The following SEMA3A variants were observed in gnomAD, a reference collection of about 807,000 sequenced individuals.
SEMA3A encodes the protein semaphorin-3A.
Under a neutral mutation model 97.9 loss-of-function variants are expected in SEMA3A, and 29 were observed. The observed-to-expected ratio is 0.30, with a 90% CI of 0.22 to 0.40. The LOEUF (loss-of-function observed/expected upper bound fraction) is 0.40, where lower values mean the gene tolerates loss of function less well. Ranked by LOEUF, SEMA3A falls within the 10% of genes least tolerant of loss-of-function variation. The probability of loss-of-function intolerance (pLI) is 1.00; values close to 1 mark genes in which losing one functional copy is unlikely to be tolerated. For synonymous variants in SEMA3A, 321 were observed against 323.7 expected (o/e 0.99, Z 0.09); for missense variants, 763 against 951.3 (o/e 0.80, Z 2.60).
chr7:84,469,354 T>TAA (rs1370382948), intron 1 of SEMA3A, among the ~76,000 whole-genome samples: 1 of 152,168 alleles, frequency 6.6e-6, no homozygotes, highest in African/African-American at 2.4e-5. Flanking sequence ...CCATAAGTTT[T>TAA]ACTGGTTTAA....
chr7:84,125,824 T>C (rs1446125669), intron 3 of SEMA3A, among the ~76,000 whole-genome samples: 1 of 152,218 alleles, frequency 6.6e-6, no homozygotes, highest in Non-Finnish European at 1.5e-5. Context: ...TCTCAGCCAT[T>C]GAATGAGTTG....
At chr7:84,242,021 G>T (rs1799375696) in intron 3 of SEMA3A, among the ~76,000 whole-genome samples, 1 of 152,116 alleles carries the variant, frequency 6.6e-6, no homozygotes, top group Non-Finnish European at 1.5e-5. Context: ...TGCTGTTTTG[G>T]TCACTGTGGC....
chr7:84,062,677 C>G (rs988561290), intron 4 of SEMA3A, among the ~76,000 whole-genome samples: 5 of 152,150 alleles, frequency 3.3e-5, no homozygotes, highest in Non-Finnish European at 5.9e-5. Context: ...CTGGAAAATC[C>G]GGTCACTCCC....
At position 83,989,563 on chromosome 7, in the gene SEMA3A, C is replaced by A. The variant is rs547518549; in HGVS notation, c.1453-4086G>T. 3.9e-3 allele frequency among the ~76,000 whole-genome samples: 526 copies of A among 135,990 alleles called. 1 individual carries two copies. The highest frequency in any genetic ancestry group is 0.018 in the Middle Eastern group (5 of 278). The allele number at this position is 135,990 out of a possible 152,430, so 89.2% of individuals were successfully genotyped here. A position where few individuals can be genotyped will look rare whatever the true frequency, so the allele number is the denominator to read the frequency against. On this transcript the variant is annotated intron_variant, in intron 12 of 16. Transcript: ENST00000265362. ...ATTCCCACCTATGAGTGAGAATATG[C>A]GGTGTTTGGTTTTTTGTTCTTGCGA...
intron 1 of SEMA3A, among the ~76,000 whole-genome samples, chr7:84,469,696 T>C (rs1422621223): frequency 6.6e-6 from 1 of 152,114 alleles, no homozygotes; most frequent in African/African-American, 2.4e-5. Flanking sequence ...ATCATTCTTC[T>C]AATGAATATT....
chr7:84,476,411 G>A (rs528993314), intron 1 of SEMA3A, among the ~76,000 whole-genome samples: 36 of 151,236 alleles, frequency 2.4e-4, no homozygotes, highest in Non-Finnish European at 4.7e-4. Flanking sequence ...CTTAGTTGTC[G>A]TCTAAATGTA....
At chr7:84,024,943 C>T (rs1397202398) in intron 6 of SEMA3A, among the ~76,000 whole-genome samples, 3 of 151,792 alleles carry the variant, frequency 2.0e-5, no homozygotes, top group South Asian at 2.1e-4. Flanking sequence ...AAAAAGTAGC[C>T]GGGCATGGTG....
chr7:84,415,632 G>T (rs1804412962), intron 1 of SEMA3A, among the ~76,000 whole-genome samples: 1 of 151,958 alleles, frequency 6.6e-6, no homozygotes, highest in South Asian at 2.1e-4. Flanking sequence ...GTGTTAATTT[G>T]CTAATCTTCC....
At chr7:84,126,990 A>G (rs145764674) in intron 3 of SEMA3A, among the ~76,000 whole-genome samples, 5 of 152,232 alleles carry the variant, frequency 3.3e-5, no homozygotes, top group African/African-American at 1.2e-4. Flanking sequence ...ATTTAGGGAT[A>G]GTATAAAATT....
At chr7:84,337,871 T>C (rs1802075540) in intron 2 of SEMA3A, among the ~76,000 whole-genome samples, 1 of 152,052 alleles carries the variant, frequency 6.6e-6, no homozygotes. Context: ...TTGCAAGAAA[T>C]GTTTCTCAAC....
At chr7:84,243,858 C>A (rs924218787) in intron 3 of SEMA3A, among the ~76,000 whole-genome samples, 1 of 151,962 alleles carries the variant, frequency 6.6e-6, no homozygotes, top group East Asian at 1.9e-4. Context: ...CTTTATTTAC[C>A]CAGTAGCCAT....
intron 1 of SEMA3A, among the ~76,000 whole-genome samples, chr7:84,444,097 G>A (rs1442437544): frequency 6.6e-6 from 1 of 151,910 alleles, no homozygotes; most frequent in Non-Finnish European, 1.5e-5. Flanking sequence ...TGTTGGCCAG[G>A]CTGGTCTCAA....
chr7:84,094,330 CT>C (rs5885398), intron 4 of SEMA3A, among the ~76,000 whole-genome samples: 62,257 of 147,562 alleles, frequency 0.42, 14,530 homozygotes, highest in Admixed American at 0.52. Flanking sequence ...AAGTTTTTGC[CT>C]TTTTTTTTTT....
At chr7:84,207,748 T>A (rs1286931780) in intron 3 of SEMA3A, among the ~76,000 whole-genome samples, 1 of 152,312 alleles carries the variant, frequency 6.6e-6, no homozygotes, top group African/African-American at 2.4e-5. Flanking sequence ...GACATAGGTG[T>A]AGGAAAAATG....
At chr7:84,315,903 T>C (rs1030680132) in intron 2 of SEMA3A, among the ~76,000 whole-genome samples, 1 of 151,876 alleles carries the variant, frequency 6.6e-6, no homozygotes, top group Non-Finnish European at 1.5e-5. Context: ...TTTCACATTT[T>C]ATGATTTTAT....
intron 3 of SEMA3A, among the ~76,000 whole-genome samples, chr7:84,215,918 C>T (rs1798742463): frequency 6.6e-6 from 1 of 151,474 alleles, no homozygotes; most frequent in Non-Finnish European, 1.5e-5. Context: ...TATATGTGTA[C>T]ATATAGATAC....
chr7:84,168,101 A>G (rs1376376143), intron 1 of SEMA3A, among the ~76,000 whole-genome samples: 1 of 152,114 alleles, frequency 6.6e-6, no homozygotes, highest in African/African-American at 2.4e-5. Context: ...TTTTAAGGTC[A>G]AAGATAATTT....
At chr7:84,119,984 G>T (rs902392662) in intron 3 of SEMA3A, among the ~76,000 whole-genome samples, 1 of 151,642 alleles carries the variant, frequency 6.6e-6, no homozygotes, top group Non-Finnish European at 1.5e-5. Flanking sequence ...CTTCATTTCA[G>T]CCACTTAAGG....
intron 11 of SEMA3A, among the ~76,000 whole-genome samples, chr7:84,003,834 C>T (rs1048590073): frequency 1.4e-5 from 2 of 139,760 alleles, no homozygotes; most frequent in African/African-American, 5.5e-5. Flanking sequence ...TATTTATAAC[C>T]AGAAATTGAT....
Sources: allele counts gnomAD v4.1 joint callset (sites outside exome capture counted in the v4.1 genomes callset), GRCh38; gene constraint gnomAD v4.1.1; transcripts MANE v1.5; gene names NCBI Gene and HGNC (gene_info 2026-07-23, HGNC 2026-07-21).